Variants in TMEM233 observed in about 807,000 individuals in gnomAD.
The protein encoded by TMEM233 is dispanin subfamily B member 2.
Under a neutral mutation model 11.2 loss-of-function variants are expected in TMEM233, and 6 were observed. The observed-to-expected ratio is 0.54, with a 90% CI of 0.29 to 1.06. The LOEUF is 1.06. TMEM233 is among the 50% of genes least tolerant of loss of function. The probability of loss-of-function intolerance (pLI) is 0.08; values close to 1 mark genes in which losing one functional copy is unlikely to be tolerated. For synonymous variants in TMEM233, 59 were observed against 55.8 expected (o/e 1.06, Z -0.26); for missense variants, 127 against 144.7 (o/e 0.88, Z 0.63).
At chr12:119,613,046 G>A (rs549264756) in intron 1 of TMEM233, among the ~76,000 whole-genome samples, 16 of 152,002 alleles carry the variant, frequency 1.1e-4, no homozygotes, top group African/African-American at 3.1e-4. Context: ...GTGCCATGTT[G>A]GTTTGCTGCA....
At chr12:119,644,084 A>T (rs1955121301), downstream of TMEM233, among the ~76,000 whole-genome samples, 1 of 152,212 alleles carries the variant, frequency 6.6e-6, no homozygotes, top group Non-Finnish European at 1.5e-5. Flanking sequence ...AAATGGTTCA[A>T]TTCAATATAA....
chr12:119,618,930 T>C (rs1430742044), intron 1 of TMEM233, among the ~76,000 whole-genome samples: 2 of 152,002 alleles, frequency 1.3e-5, no homozygotes, highest in Non-Finnish European at 2.9e-5. Flanking sequence ...GGGCCAGGAG[T>C]GCAATGATAT....
the TMEM233 span, among the ~76,000 whole-genome samples, chr12:119,653,332 C>T: frequency 7.4e-6 from 1 of 135,962 alleles, no homozygotes; most frequent in Non-Finnish European, 1.5e-5. Flanking sequence ...GCAGAGGTTG[C>T]AGTGAGCCGA....
intron 2 of TMEM233, among the ~76,000 whole-genome samples, chr12:119,637,001 G>C (rs1286141637): frequency 1.3e-5 from 2 of 152,136 alleles, no homozygotes; most frequent in African/African-American, 4.8e-5. Flanking sequence ...TATGTGGCTG[G>C]GTTTAGGGTT....
At chr12:119,618,756 C>T (rs2098427459) in intron 1 of TMEM233, among the ~76,000 whole-genome samples, 2 of 152,158 alleles carry the variant, frequency 1.3e-5, no homozygotes, top group South Asian at 4.1e-4. Flanking sequence ...AAGTGACTAA[C>T]TTGCTTTTGG....
chr12:119,596,943 G>A (rs929789636), intron 1 of TMEM233, among the ~76,000 whole-genome samples: 8 of 152,202 alleles, frequency 5.3e-5, no homozygotes, highest in Non-Finnish European at 1.2e-4. Context: ...ATAATTGTCA[G>A]ACAGATGTAT....
rs970546902 is a variant in TMEM233, at chr12:119,626,723, T to C, written c.187-3013T>C. 2.0e-5 allele frequency among the ~76,000 whole-genome samples: 3 copies of C among 152,344 alleles called. No homozygotes were observed. In the East Asian group the frequency reaches 5.8e-4, roughly 29 times the overall value. On this transcript the variant is annotated intron_variant, in intron 1 of 2. Coordinates refer to ENST00000426426, the MANE Select transcript of TMEM233 (RefSeq NM_001136534.3). ...AAGGGAGAAGAACAGTATCTGGCCT[T>C]CATTTCAGCAGCAAGCAGTCTCTGA... is the stretch of plus-strand genomic sequence containing the variant.
At chr12:119,616,923 A>T (rs1954549478) in intron 1 of TMEM233, among the ~76,000 whole-genome samples, 3 of 152,182 alleles carry the variant, frequency 2.0e-5, no homozygotes, top group Admixed American at 2.0e-4. Context: ...TTCTGCCATG[A>T]TTATAAGTTT....
chr12:119,602,383 T>C (rs893988321), intron 1 of TMEM233, among the ~76,000 whole-genome samples: 1 of 152,184 alleles, frequency 6.6e-6, no homozygotes, highest in African/African-American at 2.4e-5. Flanking sequence ...CTCCCAATGT[T>C]CTCTGGCTCT....
intron 1 of TMEM233, among the ~76,000 whole-genome samples, chr12:119,605,212 T>C (rs1954249475): frequency 6.6e-6 from 1 of 152,096 alleles, no homozygotes; most frequent in South Asian, 2.1e-4. Flanking sequence ...CATTTGTCTT[T>C]ACTTTTTAAA....
At position 119,595,360 on chromosome 12, in the gene TMEM233, C is replaced by A. The variant is rs1212825827; in HGVS notation, c.186+1326C>A. Among the ~76,000 whole-genome samples, 1 of 152,258 alleles carries A rather than the reference C, an allele frequency of 6.6e-6. No homozygotes were observed. The highest frequency in any genetic ancestry group is 1.5e-5 in the Non-Finnish European group (1 of 68,052). ...AAATCGCTAGCCACCCGTCCCCCAT[C>A]AAGTCCGCCCACACTTGCCCACGGG... On this transcript the variant is annotated intron_variant, in intron 1 of 2. Coordinates refer to ENST00000426426, the MANE Select transcript of TMEM233 (RefSeq NM_001136534.3). The surrounding 1 kb of genome is among the most constrained non-coding windows in gnomAD (Gnocchi z 4.3).
intron 1 of TMEM233, among the ~76,000 whole-genome samples, chr12:119,612,326 AT>A (rs1954416404): frequency 6.6e-6 from 1 of 151,770 alleles, no homozygotes; most frequent in African/African-American, 2.4e-5. Context: ...CATTTTACAA[AT>A]GAGGAGGCCA....
At chr12:119,651,055 T>C in the TMEM233 span, among the ~76,000 whole-genome samples, 1 of 152,250 alleles carries the variant, frequency 6.6e-6, no homozygotes, top group Non-Finnish European at 1.5e-5. Flanking sequence ...ATTTCTACTG[T>C]TGAAGGATAT....
At chr12:119,646,388 T>C (rs1046715651), downstream of TMEM233, among the ~76,000 whole-genome samples, 1 of 152,172 alleles carries the variant, frequency 6.6e-6, no homozygotes, top group Non-Finnish European at 1.5e-5. Flanking sequence ...GGCTCTCTGG[T>C]ATAACAACCA....
Position 119,594,281 on chromosome 12 carries a change from T to C in TMEM233, c.186+247T>C. The stretch of plus-strand genomic sequence containing the variant: ...GATCAAGCTTCCCCCAGGCTAGCTT[T>C]CCTCTTCTTTCCAGCTCCCAGGGTG... On this transcript the variant is annotated intron_variant, in intron 1 of 2. Transcript: ENST00000426426. This position sits in a 1 kb window ranked among gnomAD's most constrained non-coding sequence, Gnocchi z 5.6. 1 of 474,160 alleles carries C rather than the reference T, an allele frequency of 2.1e-6. No individual in the cohort carries two copies. Among genetic ancestry groups the C allele is most frequent in the Non-Finnish European group, 3.7e-6 (1 of 267,972 alleles). 29.4% of individuals were successfully genotyped at this position (474,160 alleles called of 1,614,324 possible). A position where few individuals can be genotyped will look rare whatever the true frequency, so the allele number is the denominator to read the frequency against.
chr12:119,645,002 A>G (rs964217382), downstream of TMEM233, among the ~76,000 whole-genome samples: 1 of 152,160 alleles, frequency 6.6e-6, no homozygotes, highest in African/African-American at 2.4e-5. Context: ...GGCATAAACA[A>G]AGTATTGTGC....
chr12:119,630,112 T>A (rs1273649727), intron 2 of TMEM233, among the ~76,000 whole-genome samples: 5 of 152,262 alleles, frequency 3.3e-5, no homozygotes, highest in African/African-American at 1.2e-4. Context: ...TTTCTGGCCT[T>A]ACAGGCCCTA....
Position 119,642,473 on chromosome 12 carries a change from GAAAAAGA to G in TMEM233, c.*1778_*1784del, listed in dbSNP as rs1344083534. 3 of 151,776 alleles carry G rather than the reference GAAAAAGA, an allele frequency of 2.0e-5. No homozygotes were observed. The highest frequency in any genetic ancestry group is 4.4e-5 in the Non-Finnish European group (3 of 67,930). 9.4% of individuals were successfully genotyped at this position (151,776 alleles called of 1,614,324 possible). On this transcript the variant is annotated 3_prime_UTR_variant, in exon 3 of 3. Transcript: ENST00000426426. The stretch of plus-strand genomic sequence containing the variant: ...AAAAAAAAAAGAAAAGAAAACGAAA[GAAAAAGA>G]AAAAAGAAAGGCAGATTATTCTAAT...
chr12:119,648,375 G>A, the TMEM233 span, among the ~76,000 whole-genome samples: 2 of 152,196 alleles, frequency 1.3e-5, no homozygotes, highest in Non-Finnish European at 2.9e-5. Context: ...CTTGGCCCAT[G>A]GCAGATACTC....
Sources: gnomAD v4.1 joint callset for allele counts (sites outside exome capture counted in the v4.1 genomes callset) on GRCh38, gnomAD v4.1.1 for gene constraint, Gnocchi (gnomAD v3.1) non-coding constraint, MANE v1.5 for transcripts, NCBI Gene and HGNC (gene_info 2026-07-23, HGNC 2026-07-21) for gene names.